LRRC4C: variants seen among roughly 807,000 people sequenced by gnomAD.
The protein encoded by LRRC4C is leucine rich repeat containing 4C.
In LRRC4C, 5 loss-of-function variants were observed where a neutral mutation model predicts 33.6. The observed-to-expected ratio is 0.15, with a 90% CI of 0.08 to 0.31. The LOEUF is 0.31. LRRC4C is among the 10% of genes least tolerant of loss of function. The pLI is 1.00. For synonymous variants in LRRC4C, 329 were observed against 302.0 expected (o/e 1.09, Z -0.93); for missense variants, 560 against 796.7 (o/e 0.70, Z 3.58).
At chr11:41,438,125 C>A (rs1367602202) in intron 1 of LRRC4C, among the ~76,000 whole-genome samples, 1 of 151,478 alleles carries the variant, frequency 6.6e-6, no homozygotes, top group Non-Finnish European at 1.5e-5. Context: ...GAGTTTACAG[C>A]ACTGGGGAAA....
intron 1 of LRRC4C, among the ~76,000 whole-genome samples, chr11:40,965,348 G>A (rs1192079728): frequency 1.3e-5 from 2 of 152,052 alleles, no homozygotes; most frequent in Non-Finnish European, 2.9e-5. Flanking sequence ...GGTTTCTTTT[G>A]CTGTGCAGAA....
intron 1 of LRRC4C, among the ~76,000 whole-genome samples, chr11:41,436,215 T>C (rs773402347): frequency 6.6e-5 from 10 of 152,080 alleles, no homozygotes; most frequent in Non-Finnish European, 1.3e-4. Context: ...AAAAAACATT[T>C]CCCAAATATA....
chr11:41,197,150 A>G (rs1347594500), intron 1 of LRRC4C, among the ~76,000 whole-genome samples: 1 of 152,052 alleles, frequency 6.6e-6, no homozygotes, highest in Non-Finnish European at 1.5e-5. Flanking sequence ...AACTGCAATA[A>G]AGAAAGGATT....
At chr11:40,570,233 G>A (rs1180817701) in intron 3 of LRRC4C, among the ~76,000 whole-genome samples, 1 of 152,040 alleles carries the variant, frequency 6.6e-6, no homozygotes, top group Admixed American at 6.6e-5. Context: ...TTATAGTCCT[G>A]AAATTTGTAT....
chr11:41,291,197 C>T (rs550044647), intron 1 of LRRC4C, among the ~76,000 whole-genome samples: 7 of 152,120 alleles, frequency 4.6e-5, no homozygotes, highest in African/African-American at 1.7e-4. Context: ...CAATGAAATT[C>T]AAGAGATAAG....
At chr11:40,195,110 G>T (rs1232257133) in intron 5 of LRRC4C, among the ~76,000 whole-genome samples, 2 of 151,560 alleles carry the variant, frequency 1.3e-5, no homozygotes, top group South Asian at 2.1e-4. Context: ...AAAAAAGAAA[G>T]AAAAAAGAAA....
At chr11:40,335,485 A>G (rs986728941) in intron 3 of LRRC4C, among the ~76,000 whole-genome samples, 2 of 152,248 alleles carry the variant, frequency 1.3e-5, no homozygotes, top group African/African-American at 4.8e-5. Context: ...GACATTTAAT[A>G]AAACTGGAAT....
chr11:41,274,681 T>C (rs1949425532), intron 1 of LRRC4C, among the ~76,000 whole-genome samples: 1 of 152,106 alleles, frequency 6.6e-6, no homozygotes, highest in South Asian at 2.1e-4. Flanking sequence ...CAGCCAGCAG[T>C]GGCAACCTGC....
chr11:41,338,303 T>A (rs1254899374), intron 1 of LRRC4C, among the ~76,000 whole-genome samples: 1 of 152,158 alleles, frequency 6.6e-6, no homozygotes, highest in Non-Finnish European at 1.5e-5. Context: ...CACATGCCTA[T>A]CAATGACAGG....
intron 2 of LRRC4C, among the ~76,000 whole-genome samples, chr11:40,814,913 C>A (rs980340829): frequency 2.0e-5 from 3 of 152,126 alleles, no homozygotes; most frequent in African/African-American, 4.8e-5. Flanking sequence ...ATTCAACAAT[C>A]TTTAGGAAGT....
At chr11:40,166,589 C>T (rs1459307388) in intron 5 of LRRC4C, among the ~76,000 whole-genome samples, 3 of 152,012 alleles carry the variant, frequency 2.0e-5, no homozygotes, top group Non-Finnish European at 4.4e-5. Flanking sequence ...GAATATTTCA[C>T]ATAAATATAA....
intron 1 of LRRC4C, among the ~76,000 whole-genome samples, chr11:41,004,710 T>G (rs1416166864): frequency 6.7e-6 from 1 of 150,310 alleles, no homozygotes; most frequent in East Asian, 2.0e-4. Flanking sequence ...TTCACATAAA[T>G]TACTTTGTGT....
intron 2 of LRRC4C, among the ~76,000 whole-genome samples, chr11:40,799,390 C>CTA (rs1333629429): frequency 6.6e-6 from 1 of 152,134 alleles, no homozygotes; most frequent in Non-Finnish European, 1.5e-5. Flanking sequence ...GAAAAGTCCT[C>CTA]TCTTATGTTT....
rs1422999391 is a variant in LRRC4C at position 40,157,914 on chromosome 11, G to T, written c.-95-17061C>A. Reference sequence around the variant, plus strand: ...GTTCCAGCAATTCCACTACTGGGTAGGATTACCCAGAGGAAAAGAAGTCAT... The same window carrying T: ...GTTCCAGCAATTCCACTACTGGGTATGATTACCCAGAGGAAAAGAAGTCAT... On this transcript the variant is annotated intron_variant, in intron 5 of 6. Transcript: ENST00000528697. 2.6e-5 allele frequency among the ~76,000 whole-genome samples: 4 copies of T among 151,936 alleles called. No individual in the cohort carries two copies. The South Asian group carries it at 6.2e-4, about 24-fold the overall frequency.
At chr11:40,562,209 C>T (rs1957576293) in intron 3 of LRRC4C, among the ~76,000 whole-genome samples, 2 of 152,080 alleles carry the variant, frequency 1.3e-5, no homozygotes, top group South Asian at 2.1e-4. Context: ...AATGTTAAAG[C>T]CCTAATTGGT....
At chr11:41,363,751 A>G (rs575697483) in intron 1 of LRRC4C, among the ~76,000 whole-genome samples, 14 of 152,300 alleles carry the variant, frequency 9.2e-5, no homozygotes, top group African/African-American at 3.1e-4. Flanking sequence ...TTTTGTTTAC[A>G]ACTTTCTTTC....
intron 1 of LRRC4C, among the ~76,000 whole-genome samples, chr11:40,969,777 T>A: frequency 6.6e-6 from 1 of 152,174 alleles, no homozygotes; most frequent in South Asian, 2.1e-4. Context: ...ATTAAAAATT[T>A]TGTGACTCCC....
intron 1 of LRRC4C, among the ~76,000 whole-genome samples, chr11:41,246,525 C>T (rs1449217712): frequency 1.3e-5 from 2 of 152,158 alleles, no homozygotes; most frequent in Admixed American, 1.3e-4. Context: ...TGGTGCTCCC[C>T]ACCCTTCAAC....
intron 1 of LRRC4C, among the ~76,000 whole-genome samples, chr11:41,184,865 G>C (rs918587217): frequency 1.3e-5 from 2 of 152,098 alleles, no homozygotes; most frequent in Non-Finnish European, 1.5e-5. Flanking sequence ...CACATGGCTG[G>C]GGAGGCCTCA....
Sources: gnomAD v4.1 joint callset for allele counts (sites outside exome capture counted in the v4.1 genomes callset) on GRCh38, gnomAD v4.1.1 for gene constraint, MANE v1.5 for transcripts, NCBI Gene and HGNC (gene_info 2026-07-23, HGNC 2026-07-21) for gene names.